The following WASF2 variants were observed in gnomAD, a reference collection of about 807,000 sequenced individuals.
The protein encoded by WASF2 is WASP family member 2, also known as actin-binding protein WASF2.
A neutral mutation model predicts 45.0 loss-of-function variants in WASF2; 14 were observed. The ratio of observed to expected loss-of-function variants is 0.31; its 90% CI spans 0.21 to 0.49. The LOEUF is 0.49. Ranked by LOEUF, WASF2 falls within the 20% of genes least tolerant of loss-of-function variation. WASF2 has a pLI of 0.99. For missense variants in WASF2, 439 were observed against 636.1 expected, an observed-to-expected ratio of 0.69 and a Z score of 3.33; for synonymous variants, 200 against 236.3, an observed-to-expected ratio of 0.85 and a Z score of 1.41.
intron 1 of WASF2, among the ~76,000 whole-genome samples, chr1:27,453,853 C>T (rs1173058876): frequency 1.3e-5 from 2 of 151,914 alleles, no homozygotes; most frequent in Admixed American, 6.6e-5. Context: ...CACGCCACTG[C>T]ACTCCAGCCT....
chr1:27,440,303 C>T (rs77997265), intron 1 of WASF2, among the ~76,000 whole-genome samples: 11,751 of 152,222 alleles, frequency 0.077, 511 homozygotes, highest in Middle Eastern at 0.11. Context: ...GAGAGTGGAT[C>T]GCTTGAGCTC....
At chr1:27,443,516 G>A (rs1225250640) in intron 1 of WASF2, among the ~76,000 whole-genome samples, 3 of 151,360 alleles carry the variant, frequency 2.0e-5, no homozygotes, top group African/African-American at 7.3e-5. Flanking sequence ...GGGAGGCCGA[G>A]GCAGGAGAAT....
chr1:27,489,213 C>A (rs2148150620), intron 1 of WASF2, among the ~76,000 whole-genome samples: 1 of 151,606 alleles, frequency 6.6e-6, no homozygotes, highest in African/African-American at 2.4e-5. Flanking sequence ...CCCCTTTAGA[C>A]AACTCTCCTC....
intron 1 of WASF2, among the ~76,000 whole-genome samples, chr1:27,458,310 A>T (rs1269263331): frequency 1.0e-4 from 1 of 9,612 alleles, no homozygotes; most frequent in Non-Finnish European, 4.8e-4. Flanking sequence ...GAGATTCTTA[A>T]AAAAAAAAAA....
chr1:27,436,340 G>C (rs1270241085), intron 1 of WASF2, among the ~76,000 whole-genome samples: 7 of 152,098 alleles, frequency 4.6e-5, no homozygotes, highest in Non-Finnish European at 1.0e-4. Context: ...CAGCTACTCA[G>C]GGGGCTCAGG....
intron 1 of WASF2, among the ~76,000 whole-genome samples, chr1:27,441,620 G>A (rs917764125): frequency 1.3e-5 from 2 of 152,100 alleles, no homozygotes; most frequent in African/African-American, 4.8e-5. Flanking sequence ...CGGGCGTGGT[G>A]GCGGGCGCCT....
At chr1:27,481,413 T>C (rs932154772) in intron 1 of WASF2, among the ~76,000 whole-genome samples, 6 of 149,774 alleles carry the variant, frequency 4.0e-5, no homozygotes, top group Non-Finnish European at 3.0e-5. Flanking sequence ...AATAAGAAAC[T>C]TGGGGCCAGG....
rs2016705374 is a variant in WASF2 at position 27,408,163 on chromosome 1, A to T, written c.*26T>A. On this transcript the variant is annotated 3_prime_UTR_variant, in exon 9 of 9. Coordinates refer to ENST00000618852, the MANE Select transcript of WASF2 (RefSeq NM_006990.5). ...GAAGGCAGGTAGGAAGGAAAGAAAA[A>T]GAAGGTGGGCAGCAGGCAGAAAGAG... 1 of 1,601,106 alleles carries T rather than the reference A, an allele frequency of 6.2e-7. No homozygotes were observed. Among genetic ancestry groups the T allele is most frequent in the South Asian group, 1.1e-5 (1 of 90,022 alleles).
At chr1:27,449,244 A>G (rs532879685) in intron 1 of WASF2, among the ~76,000 whole-genome samples, 1 of 152,168 alleles carries the variant, frequency 6.6e-6, no homozygotes, top group African/African-American at 2.4e-5. Context: ...TGAGGCTGCT[A>G]TGAGTCATCT....
chr1:27,414,675 C>T lies in WASF2; in HGVS notation c.668+158G>A, dbSNP rs752086959. ...GATTTATTTAGCAAATTTTCATCAC[C>T]AGATGGATGCACTTTAAAGTAGCTG... is the stretch of plus-strand genomic sequence containing the variant. On this transcript the variant is annotated intron_variant, in intron 6 of 8. Coordinates refer to ENST00000618852, the MANE Select transcript of WASF2 (RefSeq NM_006990.5). The surrounding 1 kb of genome is among the most constrained non-coding windows in gnomAD (Gnocchi z 4.1). Among the ~76,000 whole-genome samples the T allele has an allele frequency of 1.3e-4, 20 of 152,286 alleles. No individual in the cohort carries two copies. Among genetic ancestry groups the T allele is most frequent in the Non-Finnish European group, 2.2e-4 (15 of 68,032 alleles).
intron 1 of WASF2, among the ~76,000 whole-genome samples, chr1:27,432,517 A>G (rs1157660017): frequency 6.6e-6 from 1 of 151,442 alleles, no homozygotes; most frequent in African/African-American, 2.4e-5. Flanking sequence ...GCGCGGTGGC[A>G]GGCGCCTGTA....
At chr1:27,459,082 C>G (rs1249414165) in intron 1 of WASF2, among the ~76,000 whole-genome samples, 1 of 151,734 alleles carries the variant, frequency 6.6e-6, no homozygotes, top group Non-Finnish European at 1.5e-5. Context: ...GCCGAGATCA[C>G]ACCATTGCAC....
chr1:27,415,364 C>G (rs2016813419), intron 5 of WASF2, among the ~76,000 whole-genome samples: 1 of 152,050 alleles, frequency 6.6e-6, no homozygotes, highest in Admixed American at 6.5e-5. Flanking sequence ...ATAGTTTAAA[C>G]AAAACAAAAC....
chr1:27,486,823 C>A (rs895264789), intron 1 of WASF2, among the ~76,000 whole-genome samples: 9 of 151,760 alleles, frequency 5.9e-5, no homozygotes, highest in African/African-American at 2.2e-4. Context: ...ACTTGGGAGG[C>A]TGAGGCAGGA....
At chr1:27,428,482 T>C (rs2017017114) in intron 2 of WASF2, among the ~76,000 whole-genome samples, 1 of 152,204 alleles carries the variant, frequency 6.6e-6, no homozygotes, top group South Asian at 2.1e-4. Flanking sequence ...CTGCAGTTTT[T>C]GCTGCAGCCC....
chr1:27,469,943 C>CAA (rs368527250), intron 1 of WASF2, among the ~76,000 whole-genome samples: 1 of 139,692 alleles, frequency 7.2e-6, no homozygotes, highest in South Asian at 2.2e-4. Context: ...GACTCTGTGT[C>CAA]AAAAAAAAAA....
chr1:27,460,590 C>G (rs2017530812), intron 1 of WASF2, among the ~76,000 whole-genome samples: 1 of 152,182 alleles, frequency 6.6e-6, no homozygotes, highest in Non-Finnish European at 1.5e-5. Context: ...TTCTCTCACT[C>G]TTAAAAGTGA....
chr1:27,486,191 C>A (rs1450883867), intron 1 of WASF2, among the ~76,000 whole-genome samples: 2 of 152,138 alleles, frequency 1.3e-5, no homozygotes, highest in Non-Finnish European at 2.9e-5. Context: ...CATTTTACTA[C>A]AGAAATAATA....
chr1:27,454,242 T>C (rs913576031), intron 1 of WASF2, among the ~76,000 whole-genome samples: 7 of 146,232 alleles, frequency 4.8e-5, no homozygotes, highest in African/African-American at 1.8e-4. Flanking sequence ...TTGTCCAGAC[T>C]GGAATGCAGT....
Sources: gnomAD v4.1 joint callset for allele counts (sites outside exome capture counted in the v4.1 genomes callset) on GRCh38, gnomAD v4.1.1 for gene constraint, Gnocchi (gnomAD v3.1) non-coding constraint, MANE v1.5 for transcripts, NCBI Gene and HGNC (gene_info 2026-07-23, HGNC 2026-07-21) for gene names.